Variants in FARP1 observed in about 807,000 individuals in gnomAD.
FARP1 encodes FERM, ARHGEF and pleckstrin domain-containing protein 1.
A neutral mutation model predicts 128.8 loss-of-function variants in FARP1; 52 were observed. That is an observed-to-expected ratio of 0.40 (90% CI 0.32 to 0.51). The LOEUF (loss-of-function observed/expected upper bound fraction) is 0.51. Ranked by LOEUF, FARP1 falls within the 20% of genes least tolerant of loss-of-function variation. The pLI is 0.45. For missense variants in FARP1, 1,333 were observed against 1,367.9 expected, an observed-to-expected ratio of 0.97 and a Z score of 0.40; for synonymous variants, 580 against 551.8, an observed-to-expected ratio of 1.05 and a Z score of -0.72.
At chr13:98,163,496 C>T (rs1192761929) in intron 1 of FARP1, among the ~76,000 whole-genome samples, 1 of 151,736 alleles carries the variant, frequency 6.6e-6, no homozygotes, top group African/African-American at 2.4e-5. Flanking sequence ...CCTTCAAATC[C>T]CAAATAGCCA....
At chr13:98,435,860 G>A (rs766426458) in intron 19 of FARP1, 154 bp downstream of exon 19, 3 of 787,824 alleles carry the variant, frequency 3.8e-6, no homozygotes, top group Non-Finnish European at 2.3e-6. Flanking sequence ...CAACAGTGTC[G>A]TTAGTTCAGA....
rs748561805 is a variant in FARP1 at position 98,440,186 on chromosome 13, G to C, written c.2580G>C (p.Lys860Asn). The change falls in exon 23 of 27, where the codon AAG (lysine) becomes AAC (asparagine). Residue 860 changes from lysine (K) to asparagine (N), a missense_variant. This residue lies in a region of FARP1 where 1,009 missense variants were observed against 969.8 expected (regional missense o/e 1.04). Transcript: ENST00000319562. Reference sequence around the variant, plus strand: ...AGATGGCCATTGACCTGGCGGAGAAGAGCAGCAGCCCCGCCCCTGAGTTCC... The same window carrying C: ...AGATGGCCATTGACCTGGCGGAGAACAGCAGCAGCCCCGCCCCTGAGTTCC... ...DIQMAIDLAE[K>N]SSSPAPEFLA... is the part of the protein sequence containing the mutation. 1 of 1,613,956 alleles carries C rather than the reference G, an allele frequency of 6.2e-7. No homozygotes were observed. The highest frequency in any genetic ancestry group is 1.3e-5 in the African/African-American group (1 of 74,914).
intron 5 of FARP1, among the ~76,000 whole-genome samples, chr13:98,375,063 T>A (rs1428191133): frequency 1.3e-5 from 2 of 152,210 alleles, no homozygotes; most frequent in Non-Finnish European, 2.9e-5. Context: ...CAACATGAGG[T>A]TTGGAGAGGA....
In FARP1 at chr13:98,343,856, A is replaced by G. The variant is rs111648694; in HGVS notation, c.266A>G (p.Lys89Arg). The change falls in exon 3 of 27, where the codon AAA becomes AGA. Residue 89 changes from lysine (K) to arginine (R), a missense_variant. Physicochemically the swap from Lys to Arg is conservative, Grantham distance 26. This residue lies in a region of FARP1 where 324 missense variants were observed against 398.1 expected (regional missense o/e 0.81). Coordinates refer to ENST00000319562, the MANE Select transcript of FARP1 (RefSeq NM_005766.4). Reference protein sequence around the residue: ...DYFGLEFPDHKKITVWLDLLK... With the variant: ...DYFGLEFPDHRKITVWLDLLK... The stretch of plus-strand genomic sequence containing the variant: ...TTTGGCCTCGAGTTTCCTGATCACA[A>G]AAAGATCACGGTAGGTGATGTCAAC... 3 of 1,608,582 alleles carry G rather than the reference A, an allele frequency of 1.9e-6. No individual in the cohort carries two copies. The highest frequency in any genetic ancestry group is 1.1e-5 in the South Asian group (1 of 90,996).
chr13:98,162,215 C>A (rs1031552980), intron 1 of FARP1, among the ~76,000 whole-genome samples: 4 of 152,056 alleles, frequency 2.6e-5, no homozygotes, highest in African/African-American at 9.7e-5. Flanking sequence ...CCAGAAAAGT[C>A]TTAAGTGTCA....
intron 16 of FARP1, among the ~76,000 whole-genome samples, chr13:98,419,572 G>T (rs756651632): frequency 6.6e-6 from 1 of 151,050 alleles, no homozygotes; most frequent in Admixed American, 6.6e-5. Flanking sequence ...CTCCCCACCC[G>T]ATATATTAAT....
chr13:98,223,668 C>A (rs1419205480), intron 2 of FARP1, among the ~76,000 whole-genome samples: 1 of 152,180 alleles, frequency 6.6e-6, no homozygotes, highest in Admixed American at 6.5e-5. Context: ...GAATCTGTGG[C>A]TCTGGAAATT....
chr13:98,176,199 T>C lies in FARP1; in HGVS notation c.-24+32707T>C. ...TTCCTAAAAGAACAAAAAAATTTAT[T>C]TAAATGTGAGAATTATGGGAAACCT... On this transcript the variant is annotated intron_variant, in intron 1 of 26. Transcript: ENST00000319562. This position sits in a 1 kb window ranked among gnomAD's most constrained non-coding sequence, Gnocchi z 6.2. 3 of 1,610,278 alleles carry C rather than the reference T, an allele frequency of 1.9e-6. No homozygotes were observed. In the South Asian group the frequency reaches 3.3e-5, roughly 18 times the overall value.
chr13:98,415,290 G>A (rs1323952237), intron 16 of FARP1, among the ~76,000 whole-genome samples: 2 of 152,224 alleles, frequency 1.3e-5, no homozygotes, highest in Non-Finnish European at 2.9e-5. Flanking sequence ...TTCTTGGGGT[G>A]ATCGTGATGA....
chr13:98,446,845 C>A, intron 26 of FARP1, 28 bp downstream of exon 26: 9 of 1,611,760 alleles, frequency 5.6e-6, no homozygotes, highest in Non-Finnish European at 7.6e-6. Flanking sequence ...ACGCACAGGG[C>A]CCTGCAGAAG....
chr13:98,408,476 G>A (rs1321629183), intron 13 of FARP1, among the ~76,000 whole-genome samples: 6 of 127,270 alleles, frequency 4.7e-5, no homozygotes, highest in African/African-American at 1.6e-4. Flanking sequence ...GCAGGCACCC[G>A]CCACCATGCC....
At chr13:98,197,647 T>C (rs1566729500) in intron 1 of FARP1, among the ~76,000 whole-genome samples, 1 of 151,712 alleles carries the variant, frequency 6.6e-6, no homozygotes, top group Non-Finnish European at 1.5e-5. Flanking sequence ...CTTAATTTTT[T>C]TTTTTGAGAT....
intron 2 of FARP1, among the ~76,000 whole-genome samples, chr13:98,304,486 G>A (rs1021848237): frequency 6.6e-6 from 1 of 152,166 alleles, no homozygotes; most frequent in Non-Finnish European, 1.5e-5. Context: ...TGCAGATTCC[G>A]AGGTGGGTCC....
At chr13:98,386,993 C>T (rs1178514251) in intron 8 of FARP1, among the ~76,000 whole-genome samples, 1 of 152,166 alleles carries the variant, frequency 6.6e-6, no homozygotes, top group African/African-American at 2.4e-5. Context: ...CGCATAGCCT[C>T]TGAGTATCGG....
At chr13:98,394,394 G>A (rs1489121733) in intron 12 of FARP1, among the ~76,000 whole-genome samples, 6 of 152,314 alleles carry the variant, frequency 3.9e-5, no homozygotes, top group Admixed American at 6.5e-5. Context: ...GTCCTTTGTC[G>A]TTTTTCTGAT....
chr13:98,409,363 T>G lies in FARP1; in HGVS notation c.1440T>G (p.Leu480=), dbSNP rs777093826. Residue 480 remains leucine, a synonymous_variant, in exon 14 of 27, where the codon CTT becomes CTG. Transcript: ENST00000319562. The part of the protein sequence containing the change: ...STGSLTGSPH[L]SELSVNSQGG... ...GCTCCCTGACTGGCAGTCCTCACCT[T>G]TCCGAGCTGTCTGTGAACTCGCAGG... is the stretch of plus-strand genomic sequence containing the variant. The G allele has an allele frequency of 2.4e-5, 39 of 1,614,016 alleles. No individual in the cohort carries two copies. The East Asian group carries it at 8.2e-4, about 34-fold the overall frequency.
chr13:98,143,737 C>G (rs1046482940), intron 1 of FARP1, among the ~76,000 whole-genome samples: 2 of 151,652 alleles, frequency 1.3e-5, no homozygotes, highest in African/African-American at 4.8e-5. Context: ...CCCTGCGCCC[C>G]TCTCCCCTCA....
intron 6 of FARP1, among the ~76,000 whole-genome samples, chr13:98,380,288 A>T (rs1889840985): frequency 6.6e-6 from 1 of 152,072 alleles, no homozygotes; most frequent in African/African-American, 2.4e-5. Context: ...CTCTACTAAA[A>T]ATACAAAAAT....
At position 98,193,853 on chromosome 13, in the gene FARP1, C is replaced by T. The variant is rs143585807; in HGVS notation, c.-23-19367C>T. Among the ~76,000 whole-genome samples the T allele has an allele frequency of 3.3e-4, 51 of 152,322 alleles. 1 individual carries two copies. The highest frequency in any genetic ancestry group is 6.5e-4 in the Non-Finnish European group (44 of 68,030). On this transcript the variant is annotated intron_variant, in intron 1 of 26. Transcript: ENST00000319562. ...AGTCTTAATGAAGCCATCTTAGCTTCTAGTGATCCTTGCTTCATTTCCTGA... is the reference window on the plus strand; with the variant it reads ...AGTCTTAATGAAGCCATCTTAGCTTTTAGTGATCCTTGCTTCATTTCCTGA...
Sources: allele counts gnomAD v4.1 joint callset (sites outside exome capture counted in the v4.1 genomes callset), GRCh38; gene constraint gnomAD v4.1.1; regional missense constraint gnomAD v4.1.1; non-coding constraint Gnocchi (gnomAD v3.1); transcripts MANE v1.5; gene names NCBI Gene and HGNC (gene_info 2026-07-23, HGNC 2026-07-21).